Variants in ME3 observed in about 807,000 individuals in gnomAD.
The protein encoded by ME3 is malic enzyme 3, also known as NADP-dependent malic enzyme, mitochondrial.
A neutral mutation model predicts 68.9 loss-of-function variants in ME3; 48 were observed. The ratio of observed to expected loss-of-function variants is 0.70; its 90% confidence interval spans 0.55 to 0.89. ME3 has a LOEUF of 0.89. Ranked by LOEUF, ME3 falls within the 40% of genes least tolerant of loss-of-function variation. The pLI is 0.00. For missense variants in ME3, 675 were observed against 797.4 expected (o/e 0.85, Z 1.85); for synonymous variants, 320 against 318.8 (o/e 1.00, Z -0.04).
chr11:86,567,092 C>T (rs1048488310), intron 2 of ME3, among the ~76,000 whole-genome samples: 7 of 152,024 alleles, frequency 4.6e-5, no homozygotes, highest in African/African-American at 1.7e-4. Context: ...TGGTGCATGC[C>T]TGTAATACCA....
chr11:86,484,422 C>T (rs1951578912), intron 7 of ME3, among the ~76,000 whole-genome samples: 1 of 152,142 alleles, frequency 6.6e-6, no homozygotes, highest in Non-Finnish European at 1.5e-5. Context: ...TCTGCTATAG[C>T]TTATTAGAAA....
intron 2 of ME3, among the ~76,000 whole-genome samples, chr11:86,580,192 A>C (rs1958356684): frequency 1.3e-5 from 2 of 152,120 alleles, no homozygotes; most frequent in Non-Finnish European, 2.9e-5. Flanking sequence ...AATTCCTGCA[A>C]GTGTGGCTCT....
chr11:86,567,020 C>G lies in ME3; in HGVS notation c.184-7197G>C, dbSNP rs1424345192. On this transcript the variant is annotated intron_variant, in intron 2 of 14. Coordinates refer to ENST00000543262, the Ensembl canonical transcript of ME3. ...ATCACCTGAAGTCGGGAGTTCAAGA[C>G]CAGTCTGACCAACATGGAGAAACCC... 5.3e-5 allele frequency among the ~76,000 whole-genome samples: 8 copies of G among 151,988 alleles called. No individual in the cohort carries two copies. In the East Asian group the frequency reaches 1.5e-3, roughly 29 times the overall value.
At chr11:86,502,724 G>GA (rs767830029) in intron 5 of ME3, among the ~76,000 whole-genome samples, 2 of 152,198 alleles carry the variant, frequency 1.3e-5, no homozygotes, top group African/African-American at 2.4e-5. Flanking sequence ...TTGTTTGGAA[G>GA]AGTTTTATAA....
chr11:86,485,586 TA>T (rs1555210197), intron 7 of ME3, among the ~76,000 whole-genome samples: 1 of 152,162 alleles, frequency 6.6e-6, no homozygotes. Context: ...TTCCACGTAC[TA>T]TCCAACTCAA....
At chr11:86,632,981 C>T (rs1944109406) in intron 2 of ME3, among the ~76,000 whole-genome samples, 1 of 152,230 alleles carries the variant, frequency 6.6e-6, no homozygotes, top group East Asian at 1.9e-4. Flanking sequence ...CACTCTCCGC[C>T]TGAGCACTGC....
intron 8 of ME3, among the ~76,000 whole-genome samples, chr11:86,464,631 G>A (rs1232409074): frequency 6.6e-6 from 1 of 152,192 alleles, no homozygotes; most frequent in African/African-American, 2.4e-5. Context: ...GCTGGGGAAG[G>A]CCATTTTTAT....
intron 2 of ME3, among the ~76,000 whole-genome samples, chr11:86,608,434 G>C (rs974089181): frequency 1.3e-5 from 2 of 152,140 alleles, no homozygotes; most frequent in African/African-American, 4.8e-5. Flanking sequence ...GAATCGATTC[G>C]GGGAAATGAT....
At chr11:86,515,352 G>A (rs1230750896) in intron 4 of ME3, among the ~76,000 whole-genome samples, 3 of 152,122 alleles carry the variant, frequency 2.0e-5, no homozygotes, top group East Asian at 1.9e-4. Flanking sequence ...AGAGGGCATC[G>A]CCATCATTTT....
chr11:86,633,016 G>A (rs1944113191), intron 2 of ME3, among the ~76,000 whole-genome samples: 1 of 152,216 alleles, frequency 6.6e-6, no homozygotes, highest in African/African-American at 2.4e-5. Context: ...CAGGGACACA[G>A]AGTCAGGATG....
chr11:86,461,020 G>A (rs1013133762), intron 8 of ME3, among the ~76,000 whole-genome samples: 10 of 152,252 alleles, frequency 6.6e-5, no homozygotes, highest in African/African-American at 2.4e-4. Flanking sequence ...GAATGGGAAC[G>A]ATGGGGAGGG....
chr11:86,547,447 A>G (rs1441464857), intron 4 of ME3, among the ~76,000 whole-genome samples: 1 of 126,028 alleles, frequency 7.9e-6, no homozygotes, highest in East Asian at 2.7e-4. Context: ...ACATGGACAC[A>G]GGGAGGGGAA....
intron 2 of ME3, among the ~76,000 whole-genome samples, chr11:86,662,385 T>G (rs1946339639): frequency 6.6e-6 from 1 of 152,090 alleles, no homozygotes; most frequent in South Asian, 2.1e-4. Context: ...GGCCAGGAGT[T>G]CAAGACCAGC....
intron 5 of ME3, among the ~76,000 whole-genome samples, chr11:86,499,746 A>T (rs766030995): frequency 6.6e-6 from 1 of 152,212 alleles, no homozygotes; most frequent in Non-Finnish European, 1.5e-5. Context: ...GCCTCTGTGG[A>T]GAGTGCTCAA....
chr11:86,508,660 T>C (rs907657089), intron 5 of ME3, 132 bp downstream of exon 5: 1 of 780,116 alleles, frequency 1.3e-6, no homozygotes, highest in Non-Finnish European at 2.1e-6. Flanking sequence ...AACAGGTCTG[T>C]GGCTTAGGAA....
chr11:86,610,653 TG>T (rs1332381769), intron 2 of ME3, among the ~76,000 whole-genome samples: 2 of 103,984 alleles, frequency 1.9e-5, no homozygotes, highest in Admixed American at 1.5e-4. Flanking sequence ...AGTTCTCTTT[TG>T]GGCTGTGGGG....
intron 4 of ME3, among the ~76,000 whole-genome samples, chr11:86,529,551 C>A (rs1462993625): frequency 6.6e-6 from 1 of 151,872 alleles, no homozygotes; most frequent in Non-Finnish European, 1.5e-5. Flanking sequence ...AGAGACACAA[C>A]AAAAAAAGAG....
At chr11:86,564,718 C>T (rs1435241120) in intron 2 of ME3, among the ~76,000 whole-genome samples, 1 of 152,036 alleles carries the variant, frequency 6.6e-6, no homozygotes, top group Admixed American at 6.5e-5. Flanking sequence ...GGATGAACAA[C>T]CTAAATATAA....
At chr11:86,548,170 A>T (rs572719953) in intron 4 of ME3, among the ~76,000 whole-genome samples, 2 of 152,332 alleles carry the variant, frequency 1.3e-5, no homozygotes, top group African/African-American at 4.8e-5. Context: ...ACATGCATTT[A>T]AGCACAAATT....
Sources: gnomAD v4.1 joint callset for allele counts (sites outside exome capture counted in the v4.1 genomes callset) on GRCh38, gnomAD v4.1.1 for gene constraint, MANE v1.5 for transcripts, NCBI Gene and HGNC (gene_info 2026-07-23, HGNC 2026-07-21) for gene names.